The following ZNF385D variants were observed in gnomAD, a reference collection of about 807,000 sequenced individuals.
ZNF385D encodes zinc finger protein 385D, also known as zinc finger protein 659.
ZNF385D carries 15 observed loss-of-function variants against 35.8 expected under a neutral mutation model. The ratio of observed to expected loss-of-function variants is 0.42; its 90% CI spans 0.28 to 0.64. The LOEUF (loss-of-function observed/expected upper bound fraction) is 0.64, where lower values mean the gene tolerates loss of function less well. ZNF385D is among the 30% of genes least tolerant of loss of function. The probability of loss-of-function intolerance (pLI) is 0.23; values close to 1 mark genes in which losing one functional copy is unlikely to be tolerated. For missense variants in ZNF385D, 474 were observed against 494.6 expected (o/e 0.96, Z 0.39); for synonymous variants, 212 against 186.8 (o/e 1.13, Z -1.10).
intron 2 of ZNF385D, among the ~76,000 whole-genome samples, chr3:21,618,861 T>C (rs937571795): frequency 1.3e-5 from 2 of 152,174 alleles, no homozygotes; most frequent in Non-Finnish European, 2.9e-5. Flanking sequence ...TCCCACTAGC[T>C]TCCTTATAGA....
intron 2 of ZNF385D, among the ~76,000 whole-genome samples, chr3:22,297,458 T>A (rs997368000): frequency 1.3e-5 from 2 of 152,070 alleles, no homozygotes; most frequent in Admixed American, 1.3e-4. Flanking sequence ...AGATATAGTC[T>A]ATAAAGGGAC....
intron 2 of ZNF385D, among the ~76,000 whole-genome samples, chr3:22,197,096 T>C (rs1328981287): frequency 6.6e-6 from 1 of 152,110 alleles, no homozygotes; most frequent in Non-Finnish European, 1.5e-5. Flanking sequence ...CACATAATTT[T>C]TAGTCTGATG....
chr3:21,978,072 G>C (rs1287987872), intron 3 of ZNF385D: 2 of 152,132 alleles, frequency 1.3e-5, no homozygotes, highest in Non-Finnish European at 2.9e-5. Flanking sequence ...TATCAGACCA[G>C]TCTTCTCTTC....
intron 3 of ZNF385D, among the ~76,000 whole-genome samples, chr3:21,860,904 G>A (rs894486808): frequency 2.6e-5 from 4 of 152,058 alleles, no homozygotes; most frequent in Non-Finnish European, 5.9e-5. Context: ...ATTTAGATTC[G>A]ATGTCTGATT....
At chr3:22,292,625 G>C (rs1038692974) in intron 2 of ZNF385D, among the ~76,000 whole-genome samples, 16 of 152,070 alleles carry the variant, frequency 1.1e-4, no homozygotes, top group African/African-American at 3.9e-4. Context: ...CTAATTTAAA[G>C]ATCTACAGAC....
In ZNF385D at chr3:21,632,643, T is replaced by G. The variant is rs549137095; in HGVS notation, c.165+32243A>C. On this transcript the variant is annotated intron_variant, in intron 2 of 7. Transcript: ENST00000281523. The stretch of plus-strand genomic sequence containing the variant: ...ATACAAATTGGACCCACGGAGTGTA[T>G]TCTTTAATGAAGGAAACCAAAGAAA... Among the ~76,000 whole-genome samples, 294 of 152,246 alleles carry G rather than the reference T, an allele frequency of 1.9e-3. 1 individual carries two copies. Among genetic ancestry groups the G allele is most frequent in the Non-Finnish European group, 3.1e-3 (213 of 68,006 alleles).
At position 21,807,377 on chromosome 3, in the gene ZNF385D, T is replaced by C. The variant is rs182410305; in HGVS notation, c.326-142349A>G. Reference sequence around the variant, plus strand: ...TATGACACTATGAAGATAAAGTTACTCTAATTTGTCTCACCTGTTTATGGT... The same window carrying C: ...TATGACACTATGAAGATAAAGTTACCCTAATTTGTCTCACCTGTTTATGGT... On this transcript the variant is annotated intron_variant, in intron 3 of 5. Coordinates refer to the ZNF385D transcript ENST00000494108. Among the ~76,000 whole-genome samples the C allele has an allele frequency of 2.6e-5, 4 of 152,284 alleles. No homozygotes were observed. The East Asian group carries it at 7.7e-4, about 29-fold the overall frequency.
chr3:22,160,271 T>A (rs1216267751), intron 3 of ZNF385D, among the ~76,000 whole-genome samples: 1 of 152,092 alleles, frequency 6.6e-6, no homozygotes, highest in African/African-American at 2.4e-5. Flanking sequence ...AGAAAGAAGT[T>A]ACCATTATGA....
chr3:21,641,981 C>T (rs2065620498), intron 2 of ZNF385D, among the ~76,000 whole-genome samples: 1 of 152,122 alleles, frequency 6.6e-6, no homozygotes, highest in South Asian at 2.1e-4. Context: ...AACATTGAGG[C>T]TCCTTCTTCC....
At chr3:21,718,572 A>C (rs1205794602) in intron 1 of ZNF385D, among the ~76,000 whole-genome samples, 2 of 152,238 alleles carry the variant, frequency 1.3e-5, no homozygotes, top group Non-Finnish European at 1.5e-5. Flanking sequence ...CATTATCTCT[A>C]TAGATGAGAA....
At chr3:22,352,892 T>A (rs2125499324) in intron 2 of ZNF385D, among the ~76,000 whole-genome samples, 1 of 152,284 alleles carries the variant, frequency 6.6e-6, no homozygotes. Context: ...TCACTCAATA[T>A]CCATTTTAAA....
rs1163899071 is a variant in ZNF385D at position 21,557,389 on chromosome 3, G to A, written c.276+7185C>T. On this transcript the variant is annotated intron_variant, in intron 3 of 7. Transcript: ENST00000281523. ...TCAGCATGAAGGGGTTTTGAATTTT[G>A]TTGAAGGCTTTTTCTGCATCTATTG... Among the ~76,000 whole-genome samples, 3 of 152,236 alleles carry A rather than the reference G, an allele frequency of 2.0e-5. No individual in the cohort carries two copies. The South Asian group carries it at 6.2e-4, about 32-fold the overall frequency.
At chr3:21,627,246 GGTGTGTGTGT>G (rs55918045) in intron 2 of ZNF385D, among the ~76,000 whole-genome samples, 423 of 139,482 alleles carry the variant, frequency 3.0e-3, no homozygotes, top group Admixed American at 6.6e-3. Context: ...AGAGGTGTAG[GGTGTGTGTGT>G]GTGTGTGTGT....
At chr3:22,187,641 A>G (rs561165076) in intron 2 of ZNF385D, among the ~76,000 whole-genome samples, 1 of 152,300 alleles carries the variant, frequency 6.6e-6, no homozygotes, top group South Asian at 2.1e-4. Context: ...TCAAAATAAC[A>G]TTTAACATTA....
chr3:22,023,142 G>A (rs956032634), intron 3 of ZNF385D, among the ~76,000 whole-genome samples: 7 of 152,072 alleles, frequency 4.6e-5, no homozygotes, highest in Admixed American at 3.3e-4. Context: ...AGAATCACAA[G>A]CCTTCCAAAT....
intron 3 of ZNF385D, among the ~76,000 whole-genome samples, chr3:21,788,757 G>A (rs889501246): frequency 6.6e-6 from 1 of 152,150 alleles, no homozygotes; most frequent in African/African-American, 2.4e-5. Flanking sequence ...TCATTCAAAG[G>A]AGGCAACAGT....
chr3:21,529,427 G>T (rs940905135), intron 3 of ZNF385D, among the ~76,000 whole-genome samples: 4 of 152,078 alleles, frequency 2.6e-5, no homozygotes, highest in African/African-American at 9.7e-5. Context: ...CCCTTCAAGT[G>T]TACAGCTTTT....
intron 2 of ZNF385D, among the ~76,000 whole-genome samples, chr3:22,170,409 C>G (rs1037605881): frequency 3.9e-5 from 6 of 152,164 alleles, no homozygotes; most frequent in African/African-American, 7.2e-5. Context: ...GAAAATCAAA[C>G]TAGTGAACTC....
intron 3 of ZNF385D, among the ~76,000 whole-genome samples, chr3:21,831,444 C>A (rs1186349075): frequency 6.6e-6 from 1 of 152,212 alleles, no homozygotes; most frequent in South Asian, 2.1e-4. Context: ...TTACTCTTGA[C>A]AAATGATCCC....
Sources: allele counts gnomAD v4.1 joint callset (sites outside exome capture counted in the v4.1 genomes callset), GRCh38; gene constraint gnomAD v4.1.1; transcripts MANE v1.5; gene names NCBI Gene and HGNC (gene_info 2026-07-23, HGNC 2026-07-21).